ASIC2: variants seen among roughly 807,000 people sequenced by gnomAD.
ASIC2 encodes acid sensing ion channel subunit 2, also known as acid-sensing ion channel 2.
A neutral mutation model predicts 57.3 loss-of-function variants in ASIC2; 25 were observed. That is an observed-to-expected ratio of 0.44 (90% CI 0.32 to 0.61). The LOEUF (loss-of-function observed/expected upper bound fraction) is 0.61, where lower values mean the gene tolerates loss of function less well. ASIC2 is among the 20% of genes least tolerant of loss of function. The pLI is 0.06. For missense variants in ASIC2, 641 were observed against 738.1 expected (o/e 0.87, Z 1.52); for synonymous variants, 319 against 307.5 (o/e 1.04, Z -0.39).
At chr17:33,997,307 ATTTTTTTTTTTTTTT>A (rs71147411) in intron 1 of ASIC2, among the ~76,000 whole-genome samples, 1 of 85,766 alleles carries the variant, frequency 1.2e-5, no homozygotes, top group African/African-American at 5.1e-5. Flanking sequence ...TGCACGGTTA[ATTTTTTTTTTTTTTT>A]TTTTTTTTTT....
intron 1 of ASIC2, among the ~76,000 whole-genome samples, chr17:33,490,863 GA>G (rs1304168987): frequency 4.6e-5 from 7 of 152,122 alleles, no homozygotes; most frequent in African/African-American, 1.7e-4. Context: ...TTTCGCCGGG[GA>G]TAATCAAAAT....
At chr17:33,122,741 C>T (rs1038626089) in intron 1 of ASIC2, among the ~76,000 whole-genome samples, 3 of 152,164 alleles carry the variant, frequency 2.0e-5, no homozygotes, top group Non-Finnish European at 4.4e-5. Context: ...AGTCACCATG[C>T]TGTGCAACAG....
intron 1 of ASIC2, among the ~76,000 whole-genome samples, chr17:33,862,434 A>G (rs372167759): frequency 9.2e-5 from 14 of 151,910 alleles, no homozygotes; most frequent in East Asian, 3.9e-4. Flanking sequence ...CATAATAATT[A>G]TATATATTTA....
At chr17:33,927,439 C>A (rs748284406) in intron 1 of ASIC2, among the ~76,000 whole-genome samples, 16 of 152,120 alleles carry the variant, frequency 1.1e-4, no homozygotes, top group Non-Finnish European at 1.9e-4. Context: ...AAATAGTGCT[C>A]TTATAAAAGA....
At chr17:33,498,515 A>G (rs1914007296) in intron 1 of ASIC2, among the ~76,000 whole-genome samples, 1 of 152,154 alleles carries the variant, frequency 6.6e-6, no homozygotes, top group South Asian at 2.1e-4. Flanking sequence ...GTGAGGGAAG[A>G]GCAGGGGAGC....
chr17:33,496,784 A>G (rs185622594), intron 1 of ASIC2, among the ~76,000 whole-genome samples: 1 of 151,854 alleles, frequency 6.6e-6, no homozygotes, highest in Admixed American at 6.5e-5. Flanking sequence ...TGCCCAGCTA[A>G]TTGTTCTATT....
rs146724477 is a variant in ASIC2 at position 33,901,010 on chromosome 17, G to A, written c.555+254968C>T. Among the ~76,000 whole-genome samples, 343 of 152,282 alleles carry A rather than the reference G, an allele frequency of 2.3e-3. 2 individuals are homozygous for A. The highest frequency in any genetic ancestry group is 8.0e-3 in the African/African-American group (331 of 41,554). On this transcript the variant is annotated intron_variant, in intron 1 of 9. Coordinates refer to the ASIC2 transcript ENST00000359872. ...CTTTTGATTTAGGTGCTTCTTTTGT[G>A]CATTAGGCTCAAACAAACTCAGAAC...
chr17:33,297,459 T>G (rs916444216), upstream of ASIC2, among the ~76,000 whole-genome samples: 2 of 152,170 alleles, frequency 1.3e-5, no homozygotes, highest in Non-Finnish European at 1.5e-5. Flanking sequence ...GGTGTGCTGC[T>G]TAGAATGCTG....
intron 1 of ASIC2, among the ~76,000 whole-genome samples, chr17:33,749,070 T>G (rs1910352448): frequency 6.6e-6 from 1 of 152,102 alleles, no homozygotes. Flanking sequence ...TCTCCTTTCT[T>G]CCTTTCCCTC....
At chr17:34,004,522 TA>T (rs1906460340) in intron 1 of ASIC2, 1 of 152,224 alleles carries the variant, frequency 6.6e-6, no homozygotes, top group African/African-American at 2.4e-5. Context: ...AAAGGAGGAA[TA>T]GTGTGCTGCT....
chr17:33,719,204 T>C (rs1034221801), intron 1 of ASIC2, among the ~76,000 whole-genome samples: 1 of 152,188 alleles, frequency 6.6e-6, no homozygotes, highest in African/African-American at 2.4e-5. Context: ...TTGGCCCTCA[T>C]GCCTTCAGTT....
chr17:33,274,815 A>G (rs12450140), intron 1 of ASIC2, among the ~76,000 whole-genome samples: 50,912 of 151,944 alleles, frequency 0.34, 8,658 homozygotes, highest in Admixed American at 0.41. Context: ...GGGCAGCTAA[A>G]GAAACAGGGT....
intron 1 of ASIC2, among the ~76,000 whole-genome samples, chr17:33,889,852 A>G (rs1374878960): frequency 1.3e-5 from 2 of 152,232 alleles, no homozygotes; most frequent in African/African-American, 4.8e-5. Flanking sequence ...ACCATTAGGA[A>G]CAATTCTTCT....
chr17:33,377,712 A>AT (rs1344771534), intron 1 of ASIC2, among the ~76,000 whole-genome samples: 1 of 151,874 alleles, frequency 6.6e-6, no homozygotes, highest in East Asian at 1.9e-4. Flanking sequence ...AGCTCAAACA[A>AT]TTTTTTCTCT....
chr17:33,880,345 T>C (rs1734137235), intron 1 of ASIC2, among the ~76,000 whole-genome samples: 1 of 151,514 alleles, frequency 6.6e-6, no homozygotes, highest in South Asian at 2.1e-4. Flanking sequence ...ATCAACAAAA[T>C]TGATAGAACA....
chr17:33,285,476 A>G (rs9915356), intron 1 of ASIC2, among the ~76,000 whole-genome samples: 76,522 of 152,112 alleles, frequency 0.5, 19,452 homozygotes, highest in East Asian at 0.76. Context: ...TGAGCTCTCC[A>G]TTCCCCTGAC....
chr17:33,517,792 A>G (rs1374800004), intron 1 of ASIC2, among the ~76,000 whole-genome samples: 3 of 152,110 alleles, frequency 2.0e-5, no homozygotes, highest in Non-Finnish European at 4.4e-5. Flanking sequence ...TGGCACATGT[A>G]TACATATGTA....
intron 1 of ASIC2, among the ~76,000 whole-genome samples, chr17:34,089,170 G>A (rs1034454593): frequency 2.0e-5 from 3 of 152,226 alleles, no homozygotes; most frequent in Non-Finnish European, 4.4e-5. Context: ...TTCCTATTCC[G>A]CCATCCTCCT....
Position 33,038,784 on chromosome 17 carries a change from A to C in ASIC2, c.988-10392T>G, listed in dbSNP as rs16560. On this transcript the variant is annotated intron_variant, in intron 3 of 9. Coordinates refer to ENST00000225823, the MANE Select transcript of ASIC2 (RefSeq NM_183377.2). ...GTTTGCCCTTAACCTGCCTGGGGACATCCTTATGTTGTTCTTCAATCATTG... is the reference window on the plus strand; with the variant it reads ...GTTTGCCCTTAACCTGCCTGGGGACCTCCTTATGTTGTTCTTCAATCATTG... Among the ~76,000 whole-genome samples, 4 of 152,162 alleles carry C rather than the reference A, an allele frequency of 2.6e-5. No individual in the cohort carries two copies. In the East Asian group the frequency reaches 7.7e-4, roughly 29 times the overall value.
Sources: gnomAD v4.1 joint callset for allele counts (sites outside exome capture counted in the v4.1 genomes callset) on GRCh38, gnomAD v4.1.1 for gene constraint, MANE v1.5 for transcripts, NCBI Gene and HGNC (gene_info 2026-07-23, HGNC 2026-07-21) for gene names.